The following GLRA3 variants were observed in gnomAD, a reference collection of about 807,000 sequenced individuals.
GLRA3 encodes the protein glycine receptor alpha 3, also known as glycine receptor subunit alpha-3.
A neutral mutation model predicts 60.4 loss-of-function variants in GLRA3; 44 were observed. The observed-to-expected ratio is 0.73, with a 90% CI of 0.57 to 0.94. The LOEUF (loss-of-function observed/expected upper bound fraction) is 0.94. Among genes scored for constraint, GLRA3 ranks in the 40% least tolerant of loss-of-function variants. The pLI is 0.00. For missense variants in GLRA3, 508 were observed against 564.6 expected, an observed-to-expected ratio of 0.90 and a Z score of 1.02; for synonymous variants, 223 against 192.9, an observed-to-expected ratio of 1.16 and a Z score of -1.29.
intron 1 of GLRA3, among the ~76,000 whole-genome samples, chr4:174,800,139 AAC>A (rs1401303152): frequency 6.6e-6 from 1 of 152,138 alleles, no homozygotes. Context: ...TCGGAAAGCA[AAC>A]CAGAAGAAAA....
intron 3 of GLRA3, among the ~76,000 whole-genome samples, chr4:174,743,559 T>C (rs1043919585): frequency 6.6e-6 from 1 of 152,178 alleles, no homozygotes; most frequent in Non-Finnish European, 1.5e-5. Context: ...AAGGATACTG[T>C]GCCCTTCTCA....
chr4:174,699,763 G>A (rs35505443), intron 5 of GLRA3, among the ~76,000 whole-genome samples: 3 of 150,500 alleles, frequency 2.0e-5, no homozygotes, highest in Admixed American at 6.6e-5. Flanking sequence ...TTATTTTAGA[G>A]AATTAATATT....
chr4:174,644,416 T>TTTG (rs200135565), intron 9 of GLRA3, among the ~76,000 whole-genome samples: 3 of 19,488 alleles, frequency 1.5e-4, no homozygotes, highest in African/African-American at 3.0e-4. Context: ...TTTTTTTTTT[T>TTTG]GCATTTTTTT....
intron 3 of GLRA3, among the ~76,000 whole-genome samples, chr4:174,730,584 A>G (rs1477245131): frequency 3.3e-5 from 5 of 152,206 alleles, no homozygotes; most frequent in Admixed American, 1.3e-4. Context: ...AAGTTGCAGT[A>G]TATGTAATAA....
chr4:174,769,321 G>C (rs780643154), intron 2 of GLRA3, among the ~76,000 whole-genome samples: 1 of 151,916 alleles, frequency 6.6e-6, no homozygotes, highest in South Asian at 2.1e-4. Context: ...TTTTTTGTTA[G>C]ATCAATATTC....
At chr4:174,818,042 T>C (rs945425309) in intron 1 of GLRA3, among the ~76,000 whole-genome samples, 1 of 152,220 alleles carries the variant, frequency 6.6e-6, no homozygotes, top group African/African-American at 2.4e-5. Context: ...CTCTACACTT[T>C]ACATTTTAAA....
chr4:174,783,806 A>G (rs1561116329), intron 2 of GLRA3, among the ~76,000 whole-genome samples: 2 of 152,074 alleles, frequency 1.3e-5, no homozygotes, highest in Non-Finnish European at 2.9e-5. Flanking sequence ...CAATCATTAA[A>G]AAGTCAGGAA....
Position 174,710,804 on chromosome 4 carries a change from A to G in GLRA3, c.574+4684T>C, listed in dbSNP as rs1466968407. On this transcript the variant is annotated intron_variant, in intron 5 of 9. Coordinates refer to ENST00000274093, the MANE Select transcript of GLRA3 (RefSeq NM_006529.4). ...CAACCTAATTTTTTTTTCTTTAAAT[A>G]ATTTCTCCAGGGATGTGTCTAGGTT... Among the ~76,000 whole-genome samples, 5 of 151,784 alleles carry G rather than the reference A, an allele frequency of 3.3e-5. No individual in the cohort carries two copies. The East Asian group carries it at 9.6e-4, about 29-fold the overall frequency.
chr4:174,724,262 G>A (rs1373560145), intron 4 of GLRA3, among the ~76,000 whole-genome samples: 3 of 151,682 alleles, frequency 2.0e-5, no homozygotes, highest in South Asian at 2.1e-4. Flanking sequence ...GTGTTTCAGT[G>A]GGTCTCTTTG....
At chr4:174,660,849 T>C (rs1451538343) in intron 7 of GLRA3, among the ~76,000 whole-genome samples, 1 of 152,258 alleles carries the variant, frequency 6.6e-6, no homozygotes, top group Non-Finnish European at 1.5e-5. Context: ...CCAAGTGATG[T>C]AATACATTAA....
rs10004684 is a variant in GLRA3 at position 174,792,413 on chromosome 4, G to A, written c.72-3470C>T. Among the ~76,000 whole-genome samples the A allele has an allele frequency of 5.7e-3, 862 of 151,892 alleles. 9 individuals carry two copies. Among genetic ancestry groups the A allele is most frequent in the African/African-American group, 0.02 (810 of 41,408 alleles). ...AAGCACACAAGGCATATTGGATTAG[G>A]GCATATTGTTTTACATCAATTACCT... On this transcript the variant is annotated intron_variant, in intron 1 of 9. Transcript: ENST00000274093.
intron 7 of GLRA3, among the ~76,000 whole-genome samples, chr4:174,669,636 T>C (rs1733829916): frequency 6.6e-6 from 1 of 152,106 alleles, no homozygotes; most frequent in Admixed American, 6.6e-5. Flanking sequence ...AGTGCAGTGG[T>C]GTAATCATAA....
chr4:174,745,978 T>C (rs1488572426), intron 3 of GLRA3, among the ~76,000 whole-genome samples: 2 of 152,112 alleles, frequency 1.3e-5, no homozygotes, highest in Admixed American at 6.6e-5. Context: ...ATGGCTATTA[T>C]TAATAAGAAA....
intron 3 of GLRA3, among the ~76,000 whole-genome samples, chr4:174,756,033 A>G (rs184930887): frequency 3.4e-4 from 52 of 152,284 alleles, no homozygotes; most frequent in African/African-American, 1.1e-3. Context: ...AAATTCATTG[A>G]AAAACAAAAC....
chr4:174,670,158 C>T (rs556000300), intron 7 of GLRA3, among the ~76,000 whole-genome samples: 11 of 152,060 alleles, frequency 7.2e-5, no homozygotes, highest in African/African-American at 2.4e-4. Flanking sequence ...AGGTGCATGC[C>T]GTTAGACTTC....
intron 7 of GLRA3, among the ~76,000 whole-genome samples, chr4:174,665,636 T>A (rs1367989358): frequency 6.6e-6 from 1 of 152,178 alleles, no homozygotes. Flanking sequence ...TATGTATTGA[T>A]AGCAAATACC....
intron 9 of GLRA3, 93 bp from the exon 10 acceptor site, chr4:174,644,157 A>C (rs1030432796): frequency 4.2e-6 from 3 of 722,228 alleles, no homozygotes; most frequent in Non-Finnish European, 7.2e-6. Flanking sequence ...ATCATGGTTA[A>C]TATTTACATT....
At chr4:174,676,963 C>T (rs964598480) in intron 7 of GLRA3, 115 bp downstream of exon 7, 1 of 643,166 alleles carries the variant, frequency 1.6e-6, no homozygotes, top group African/African-American at 1.8e-5. Context: ...ACTTTAAAAA[C>T]CAGTAATGCC....
At chr4:174,813,753 T>C (rs2111376492) in intron 1 of GLRA3, among the ~76,000 whole-genome samples, 1 of 152,342 alleles carries the variant, frequency 6.6e-6, no homozygotes, top group African/African-American at 2.4e-5. Flanking sequence ...CCTTCAACTA[T>C]TGCTATTAAA....
Sources: allele counts gnomAD v4.1 joint callset (sites outside exome capture counted in the v4.1 genomes callset), GRCh38; gene constraint gnomAD v4.1.1; transcripts MANE v1.5; gene names NCBI Gene and HGNC (gene_info 2026-07-23, HGNC 2026-07-21).